XKR9: variants seen among roughly 807,000 people sequenced by gnomAD.
XKR9 encodes XK related 9, also known as XK-related protein 9.
A neutral mutation model predicts 32.0 loss-of-function variants in XKR9; 32 were observed. The observed-to-expected ratio is 1.00, with a 90% CI of 0.76 to 1.34. The LOEUF is 1.34. Ranked by LOEUF, XKR9 falls within the 40% of genes most tolerant of loss-of-function variation. The pLI is 0.00. For synonymous variants in XKR9, 168 were observed against 143.4 expected, an observed-to-expected ratio of 1.17 and a Z score of -1.22; for missense variants, 546 against 429.7, an observed-to-expected ratio of 1.27 and a Z score of -2.39.
At chr8:70,945,457 CAT>C in the XKR9 span, among the ~76,000 whole-genome samples, 2 of 152,190 alleles carry the variant, frequency 1.3e-5, no homozygotes, top group African/African-American at 4.8e-5. Flanking sequence ...CCAAATGGCA[CAT>C]GTCTGCTGAC....
At chr8:70,962,490 T>C in the XKR9 span, among the ~76,000 whole-genome samples, 1 of 152,218 alleles carries the variant, frequency 6.6e-6, no homozygotes, top group African/African-American at 2.4e-5. Flanking sequence ...ATTAATTCAC[T>C]TAGGATACTG....
At chr8:70,783,162 G>T (rs1166389125) in intron 2 of XKR9, among the ~76,000 whole-genome samples, 1 of 151,398 alleles carries the variant, frequency 6.6e-6, no homozygotes, top group South Asian at 2.1e-4. Flanking sequence ...GTTTTACCTT[G>T]CATTTCCCTA....
the XKR9 span, among the ~76,000 whole-genome samples, chr8:70,904,484 T>C: frequency 6.6e-6 from 1 of 152,178 alleles, no homozygotes; most frequent in African/African-American, 2.4e-5. Flanking sequence ...GGAATCTTCC[T>C]CCATCCCTTT....
At chr8:70,886,049 C>T in the XKR9 span, among the ~76,000 whole-genome samples, 12 of 152,122 alleles carry the variant, frequency 7.9e-5, no homozygotes, top group African/African-American at 2.7e-4. Flanking sequence ...TAGTCCCCTA[C>T]CCCCGCACAG....
chr8:70,922,876 G>C, the XKR9 span, among the ~76,000 whole-genome samples: 2 of 152,210 alleles, frequency 1.3e-5, no homozygotes, highest in African/African-American at 4.8e-5. Flanking sequence ...ACGGACATCA[G>C]AAAAGACTCA....
chr8:71,061,923 A>G, the XKR9 span, among the ~76,000 whole-genome samples: 5 of 152,362 alleles, frequency 3.3e-5, no homozygotes, highest in South Asian at 1.0e-3. Flanking sequence ...ACACTGCAGC[A>G]TGTTATGATT....
the XKR9 span, among the ~76,000 whole-genome samples, chr8:70,902,492 C>T: frequency 6.6e-6 from 1 of 152,234 alleles, no homozygotes; most frequent in Non-Finnish European, 1.5e-5. Flanking sequence ...GTGATTTTTG[C>T]ACATTGATTT....
At chr8:71,001,233 G>A in the XKR9 span, among the ~76,000 whole-genome samples, 1 of 152,154 alleles carries the variant, frequency 6.6e-6, no homozygotes, top group Non-Finnish European at 1.5e-5. Flanking sequence ...CGAAGGTCTA[G>A]CTCTGGTACT....
Position 70,769,756 on chromosome 8 carries a change from C to T in XKR9, n.353-19583C>T, listed in dbSNP as rs1038780995. Among the ~76,000 whole-genome samples, 5 of 151,916 alleles carry T rather than the reference C, an allele frequency of 3.3e-5. No individual in the cohort carries two copies. In the South Asian group the frequency reaches 6.2e-4, roughly 19 times the overall value. On this transcript the variant is annotated intron_variant and non_coding_transcript_variant, in intron 2 of 3. Transcript: ENST00000520273. ...ACTCTTGATACTTGTGTGTGCTTCA[C>T]AAAGTTCTCATGCTGTGTTTTTCAG... is the stretch of plus-strand genomic sequence containing the variant.
intron 1 of XKR9, among the ~76,000 whole-genome samples, chr8:70,674,452 A>G (rs1211863761): frequency 6.6e-6 from 1 of 152,234 alleles, no homozygotes; most frequent in Non-Finnish European, 1.5e-5. Context: ...ACAAGATTTG[A>G]GAAGGTATAA....
At chr8:71,051,809 T>C in the XKR9 span, among the ~76,000 whole-genome samples, 3 of 152,214 alleles carry the variant, frequency 2.0e-5, no homozygotes, top group Non-Finnish European at 2.9e-5. Context: ...TTGAATAGTA[T>C]GGATTTCTTC....
At chr8:70,762,266 C>T (rs1807319396) in intron 2 of XKR9, among the ~76,000 whole-genome samples, 1 of 152,112 alleles carries the variant, frequency 6.6e-6, no homozygotes, top group African/African-American at 2.4e-5. Flanking sequence ...ACTATATAAT[C>T]ATTAAACAAT....
intron 2 of XKR9, among the ~76,000 whole-genome samples, chr8:70,776,766 G>A (rs564519281): frequency 6.6e-6 from 1 of 151,810 alleles, no homozygotes; most frequent in South Asian, 2.1e-4. Context: ...CTCGTCAGAA[G>A]GGCCTTCTCC....
chr8:71,050,005 T>C, the XKR9 span, among the ~76,000 whole-genome samples: 2 of 152,074 alleles, frequency 1.3e-5, no homozygotes, highest in Non-Finnish European at 1.5e-5. Flanking sequence ...ATAAAACATG[T>C]GGGTGCTAGT....
intron 2 of XKR9, among the ~76,000 whole-genome samples, chr8:70,774,385 C>T (rs1807492833): frequency 6.6e-6 from 1 of 152,038 alleles, no homozygotes; most frequent in Non-Finnish European, 1.5e-5. Context: ...TCCTCCCATC[C>T]ACTCACCTCA....
chr8:71,060,980 G>A, the XKR9 span, among the ~76,000 whole-genome samples: 1 of 152,138 alleles, frequency 6.6e-6, no homozygotes, highest in Non-Finnish European at 1.5e-5. Flanking sequence ...TCTATTGAGG[G>A]CGTATGTACC....
intron 3 of XKR9, among the ~76,000 whole-genome samples, chr8:70,700,665 G>A (rs1035697661): frequency 3.9e-5 from 6 of 152,318 alleles, no homozygotes; most frequent in South Asian, 2.1e-4. Context: ...CAGTCTGCCC[G>A]TTCTGAGATC....
At chr8:70,886,403 C>A in the XKR9 span, among the ~76,000 whole-genome samples, 1 of 152,040 alleles carries the variant, frequency 6.6e-6, no homozygotes, top group Non-Finnish European at 1.5e-5. Context: ...GGGTGTATAC[C>A]AAATAATGGG....
chr8:70,944,884 G>A, the XKR9 span, among the ~76,000 whole-genome samples: 1 of 152,134 alleles, frequency 6.6e-6, no homozygotes, highest in Non-Finnish European at 1.5e-5. Flanking sequence ...TCCTACAGTT[G>A]AGCTTGTCTT....
Sources: allele counts gnomAD v4.1 joint callset (sites outside exome capture counted in the v4.1 genomes callset), GRCh38; gene constraint gnomAD v4.1.1; transcripts MANE v1.5; gene names NCBI Gene and HGNC (gene_info 2026-07-23, HGNC 2026-07-21).